Variants in ZFHX3 observed in about 807,000 individuals in gnomAD.
ZFHX3 encodes the protein zinc finger homeobox protein 3.
In ZFHX3, 42 loss-of-function variants were observed where a neutral mutation model predicts 279.1. The ratio of observed to expected loss-of-function variants is 0.15; its 90% CI spans 0.12 to 0.19. The LOEUF (loss-of-function observed/expected upper bound fraction) is 0.19. ZFHX3 is among the 10% of genes least tolerant of loss of function. The pLI is 1.00. For synonymous variants in ZFHX3, 2,293 were observed against 1,957.8 expected, an observed-to-expected ratio of 1.17 and a Z score of -4.52; for missense variants, 4,981 against 4,754.0, an observed-to-expected ratio of 1.05 and a Z score of -1.40.
intron 1 of ZFHX3, among the ~76,000 whole-genome samples, chr16:72,987,100 T>C (rs1962880365): frequency 6.6e-6 from 1 of 152,062 alleles, no homozygotes; most frequent in South Asian, 2.1e-4. Context: ...TGCAGTGAGT[T>C]GTGGGAGCTG....
At position 73,416,736 on chromosome 16, in the gene ZFHX3, C is replaced by T. The variant is rs375327904; in HGVS notation, c.-1291+39267G>A. Among the ~76,000 whole-genome samples, 598 of 148,982 alleles carry T rather than the reference C, an allele frequency of 4.0e-3. 2 individuals carry two copies. Among genetic ancestry groups the T allele is most frequent in the Middle Eastern group, 0.024 (7 of 288 alleles). The stretch of plus-strand genomic sequence containing the variant: ...AAAAATACAAAAAATTAGCCGGGTG[C>T]GGTGGCGGGCGCCTGTAGTCCCAGC... On this transcript the variant is annotated intron_variant, in intron 3 of 17. Transcript: ENST00000641206.
At chr16:73,647,675 G>C (rs1190488535) in intron 2 of ZFHX3, among the ~76,000 whole-genome samples, 2 of 151,816 alleles carry the variant, frequency 1.3e-5, no homozygotes, top group Admixed American at 1.3e-4. Context: ...TATGAAAACT[G>C]TATCATAGTT....
At chr16:73,693,569 G>A (rs2053168710) in intron 1 of ZFHX3, among the ~76,000 whole-genome samples, 1 of 151,970 alleles carries the variant, frequency 6.6e-6, no homozygotes, top group Non-Finnish European at 1.5e-5. Flanking sequence ...TGAAGGATAA[G>A]AGGAAAGTTG....
chr16:73,290,510 A>G (rs375663175), intron 4 of ZFHX3, among the ~76,000 whole-genome samples: 1 of 152,166 alleles, frequency 6.6e-6, no homozygotes, highest in Admixed American at 6.5e-5. Context: ...AAAATGTTCC[A>G]AGCCTGAAGC....
chr16:73,781,974 G>A (rs768856016), intron 1 of ZFHX3, among the ~76,000 whole-genome samples: 13 of 152,110 alleles, frequency 8.5e-5, no homozygotes, highest in African/African-American at 1.9e-4. Context: ...GCGAAAGAGC[G>A]AGACTCCATC....
At position 72,793,954 on chromosome 16, in the gene ZFHX3, C is replaced by T. The variant is rs777884235; in HGVS notation, c.8728G>A (p.Gly2910Ser). 9.9e-6 allele frequency: 16 copies of T among 1,614,174 alleles called. No homozygotes were observed. Among genetic ancestry groups the T allele is most frequent in the Non-Finnish European group, 1.7e-6 (2 of 1,180,044 alleles). Residue 2910 changes from glycine (G) to serine (S), a missense_variant, in exon 9 of 10, where the codon GGT becomes AGT. By Grantham distance (56) the Gly-to-Ser change is moderately conservative. Coordinates refer to ENST00000268489, the MANE Select transcript of ZFHX3 (RefSeq NM_006885.4). This position sits in a 1 kb window ranked among gnomAD's most constrained non-coding sequence, Gnocchi z 4.3. ...GAGGTTTCACTGTAGTCCACTGTAC[C>T]TTCATTGTCATATTCCTTGCTATAA... is the stretch of plus-strand genomic sequence containing the variant. ...SFYSKEYDNE[G>S]TVDYSETSSL...
intron 2 of ZFHX3, among the ~76,000 whole-genome samples, chr16:73,568,198 G>C (rs1597003155): frequency 6.6e-6 from 1 of 152,140 alleles, no homozygotes; most frequent in Non-Finnish European, 1.5e-5. Context: ...TCTTAGGAAA[G>C]TGACATTATA....
chr16:73,738,436 C>T (rs2053626760), intron 1 of ZFHX3, among the ~76,000 whole-genome samples: 1 of 152,168 alleles, frequency 6.6e-6, no homozygotes, highest in South Asian at 2.1e-4. Context: ...GCCAAATTAA[C>T]ACATGCACTG....
rs766930393 is a variant in ZFHX3 at position 72,959,369 on chromosome 16, A to T, written c.777T>A (p.Asp259Glu). 1.2e-6 allele frequency: 2 copies of T among 1,614,226 alleles called. No homozygotes were observed. Among genetic ancestry groups the T allele is most frequent in the Non-Finnish European group, 1.7e-6 (2 of 1,180,038 alleles). Residue 259 changes from aspartate to glutamate, a missense_variant, in exon 2 of 10, where the codon GAT becomes GAA. Physicochemically the swap from Asp to Glu is conservative, Grantham distance 45 (BLOSUM62 2). This residue lies in a region of ZFHX3 where 1,068 missense variants were observed against 935.2 expected (regional missense o/e 1.14). Coordinates refer to ENST00000268489, the MANE Select transcript of ZFHX3 (RefSeq NM_006885.4). The stretch of plus-strand genomic sequence containing the variant: ...TGGACAGGTCCACATTGTTGGGAAC[A>T]TCTTTGGATACGCAGGAGCTTTTGG... ...GSAKSSCVSK[D>E]VPNNVDLSKF...
chr16:73,088,018 G>A (rs1966028769), intron 8 of ZFHX3, among the ~76,000 whole-genome samples: 1 of 152,088 alleles, frequency 6.6e-6, no homozygotes, highest in Admixed American at 6.6e-5. Context: ...AGTAGAGATG[G>A]GGTTTCTCCA....
intron 3 of ZFHX3, among the ~76,000 whole-genome samples, chr16:73,326,969 A>G (rs1450204135): frequency 6.6e-6 from 1 of 152,240 alleles, no homozygotes; most frequent in East Asian, 1.9e-4. Flanking sequence ...GTTCTAAAGA[A>G]TAGGACATAA....
chr16:72,921,095 A>AT (rs2039571417), intron 3 of ZFHX3, among the ~76,000 whole-genome samples: 1 of 150,378 alleles, frequency 6.6e-6, no homozygotes, highest in Non-Finnish European at 1.5e-5. Flanking sequence ...AAAAAAAAAA[A>AT]GCTAATCCAA....
intron 2 of ZFHX3, among the ~76,000 whole-genome samples, chr16:73,526,893 G>A (rs759226486): frequency 1.7e-4 from 25 of 151,434 alleles, no homozygotes; most frequent in Middle Eastern, 3.4e-3. Context: ...TCTAGTATTC[G>A]GTACCTCTTT....
chr16:73,351,417 T>A (rs2016239048), intron 3 of ZFHX3, among the ~76,000 whole-genome samples: 1 of 152,188 alleles, frequency 6.6e-6, no homozygotes, highest in Non-Finnish European at 1.5e-5. Context: ...GTGAGTCAGT[T>A]CACGGCGGCC....
At chr16:72,993,901 T>C (rs1963183667) in intron 1 of ZFHX3, among the ~76,000 whole-genome samples, 1 of 152,188 alleles carries the variant, frequency 6.6e-6, no homozygotes. Context: ...AGAGACTCTC[T>C]GGGTTGAATC....
chr16:72,933,902 T>C (rs1597390741), intron 3 of ZFHX3, among the ~76,000 whole-genome samples: 1 of 147,826 alleles, frequency 6.8e-6, no homozygotes, highest in Non-Finnish European at 1.5e-5. Context: ...CACTGCAAGC[T>C]CTGCCTCCCG....
intron 1 of ZFHX3, among the ~76,000 whole-genome samples, chr16:73,751,965 G>A (rs528526028): frequency 6.6e-6 from 1 of 152,288 alleles, no homozygotes; most frequent in South Asian, 2.1e-4. Context: ...ATTCTCTCGG[G>A]GATTTGGAAC....
intron 2 of ZFHX3, among the ~76,000 whole-genome samples, chr16:73,658,638 A>G (rs946654757): frequency 6.6e-6 from 1 of 152,196 alleles, no homozygotes; most frequent in Non-Finnish European, 1.5e-5. Context: ...ATCCACTTGT[A>G]TAGTCAGAAC....
At chr16:73,398,718 C>T (rs193058501) in intron 3 of ZFHX3, among the ~76,000 whole-genome samples, 2 of 152,342 alleles carry the variant, frequency 1.3e-5, no homozygotes, top group Non-Finnish European at 2.9e-5. Context: ...TGACTCATTT[C>T]TTACATAAGC....
Sources: allele counts gnomAD v4.1 joint callset (sites outside exome capture counted in the v4.1 genomes callset), GRCh38; gene constraint gnomAD v4.1.1; regional missense constraint gnomAD v4.1.1; non-coding constraint Gnocchi (gnomAD v3.1); transcripts MANE v1.5; gene names NCBI Gene and HGNC (gene_info 2026-07-23, HGNC 2026-07-21).